The following ASXL2 variants were observed in gnomAD, a reference collection of about 807,000 sequenced individuals.
ASXL2 encodes the protein putative Polycomb group protein ASXL2.
Under a neutral mutation model 122.0 loss-of-function variants are expected in ASXL2, and 23 were observed. The ratio of observed to expected loss-of-function variants is 0.19; its 90% CI spans 0.14 to 0.27. ASXL2 has a LOEUF of 0.27. ASXL2 is among the 10% of genes least tolerant of loss of function. The pLI, the probability that ASXL2 is intolerant of heterozygous loss-of-function variation, is 1.00. For synonymous variants in ASXL2, 650 were observed against 637.0 expected, an observed-to-expected ratio of 1.02 and a Z score of -0.31; for missense variants, 1,518 against 1,713.8, an observed-to-expected ratio of 0.89 and a Z score of 2.02.
intron 1 of ASXL2, among the ~76,000 whole-genome samples, chr2:25,852,057 C>T (rs936612111): frequency 1.3e-5 from 2 of 151,946 alleles, no homozygotes; most frequent in African/African-American, 2.4e-5. Flanking sequence ...CTTCCACAAG[C>T]GGAAATGACT....
intron 3 of ASXL2, among the ~76,000 whole-genome samples, chr2:25,809,578 T>C (rs763718980): frequency 6.6e-6 from 1 of 152,228 alleles, no homozygotes; most frequent in Non-Finnish European, 1.5e-5. Context: ...GAAAAAGGAA[T>C]AGATTGCTGC....
At chr2:25,806,901 T>G (rs2089090786) in intron 3 of ASXL2, among the ~76,000 whole-genome samples, 1 of 151,848 alleles carries the variant, frequency 6.6e-6, no homozygotes, top group Admixed American at 6.6e-5. Context: ...TACTAGAATT[T>G]CAGGTATATA....
chr2:25,780,606 T>C (rs540807787), intron 5 of ASXL2, among the ~76,000 whole-genome samples: 40 of 152,316 alleles, frequency 2.6e-4, no homozygotes, highest in Middle Eastern at 3.4e-3. Flanking sequence ...CCATACGTCC[T>C]GTAGGTGATT....
chr2:25,844,830 T>C (rs902265431), intron 2 of ASXL2, among the ~76,000 whole-genome samples: 5 of 151,890 alleles, frequency 3.3e-5, no homozygotes, highest in African/African-American at 1.2e-4. Context: ...AGAGATGAGG[T>C]TTCACTATGT....
intron 5 of ASXL2, among the ~76,000 whole-genome samples, chr2:25,798,572 T>C (rs1295518516): frequency 6.6e-6 from 1 of 152,190 alleles, no homozygotes; most frequent in Admixed American, 6.5e-5. Context: ...GAGACCAGCC[T>C]GACCAACATG....
chr2:25,797,875 C>T (rs2088933902), intron 5 of ASXL2, among the ~76,000 whole-genome samples: 1 of 152,218 alleles, frequency 6.6e-6, no homozygotes, highest in African/African-American at 2.4e-5. Flanking sequence ...CCAGCAATCA[C>T]ACTCCTTAGC....
At chr2:25,860,163 T>C (rs1010505808) in intron 1 of ASXL2, among the ~76,000 whole-genome samples, 1 of 151,390 alleles carries the variant, frequency 6.6e-6, no homozygotes, top group African/African-American at 2.4e-5. Flanking sequence ...AATACAAAAT[T>C]AACCGGGCAT....
intron 5 of ASXL2, among the ~76,000 whole-genome samples, chr2:25,774,746 A>T (rs1057243889): frequency 3.9e-5 from 6 of 152,196 alleles, no homozygotes; most frequent in Non-Finnish European, 8.8e-5. Flanking sequence ...TTATGTTTAC[A>T]TCTCTTCAGT....
At chr2:25,799,022 G>T (rs550823452) in intron 5 of ASXL2, among the ~76,000 whole-genome samples, 1 of 152,162 alleles carries the variant, frequency 6.6e-6, no homozygotes, top group African/African-American at 2.4e-5. Flanking sequence ...AATGTGGCTA[G>T]TGGGGAAGGC....
At chr2:25,812,535 C>G (rs2089185264) in intron 3 of ASXL2, among the ~76,000 whole-genome samples, 1 of 152,160 alleles carries the variant, frequency 6.6e-6, no homozygotes, top group Non-Finnish European at 1.5e-5. Context: ...AATAGGCACT[C>G]TTACAGACTG....
chr2:25,745,559 C>CAAA (rs34181748), intron 12 of ASXL2, among the ~76,000 whole-genome samples: 17 of 51,386 alleles, frequency 3.3e-4, no homozygotes, highest in African/African-American at 1.1e-3. Flanking sequence ...GCCTCCAGCT[C>CAAA]AAAAAAAAAA....
At chr2:25,841,254 C>T (rs1177117305) in intron 2 of ASXL2, among the ~76,000 whole-genome samples, 1 of 152,196 alleles carries the variant, frequency 6.6e-6, no homozygotes, top group African/African-American at 2.4e-5. Context: ...TGAGATTGCA[C>T]CACTGCACTC....
At chr2:25,799,316 G>T in intron 5 of ASXL2, 69 bp downstream of exon 5, 1 of 1,605,388 alleles carries the variant, frequency 6.2e-7, no homozygotes. Flanking sequence ...TCTGGGAAAA[G>T]AGGAACTACT....
At chr2:25,870,251 G>A (rs757808590) in intron 1 of ASXL2, among the ~76,000 whole-genome samples, 23 of 152,136 alleles carry the variant, frequency 1.5e-4, no homozygotes, top group Non-Finnish European at 2.2e-4. Flanking sequence ...GGTGGCCGGC[G>A]CAGTGGCTCA....
At chr2:25,855,932 C>CG (rs1442762138) in intron 1 of ASXL2, among the ~76,000 whole-genome samples, 3 of 146,496 alleles carry the variant, frequency 2.0e-5, no homozygotes, top group Middle Eastern at 3.3e-3. Context: ...CTCGCTCTGT[C>CG]GGCCAGGCTG....
In ASXL2 at chr2:25,826,762, T is replaced by TAAAAA. The variant is rs55765302; in HGVS notation, c.143+8771_143+8775dup. Among the ~76,000 whole-genome samples, 144 of 68,086 alleles carry TAAAAA rather than the reference T, an allele frequency of 2.1e-3. 8 individuals carry two copies. The highest frequency in any genetic ancestry group is 3.2e-3 in the South Asian group (4 of 1,266). 44.7% of individuals were successfully genotyped at this position (68,086 alleles called of 152,430 possible). A position where few individuals can be genotyped will look rare whatever the true frequency, so the allele number is the denominator to read the frequency against. On this transcript the variant is annotated intron_variant, in intron 3 of 12. Coordinates refer to ENST00000435504, the MANE Select transcript of ASXL2 (RefSeq NM_018263.6). ...AGGATTAAATAATAGACTTTCAAGG[T>TAAAAA]AAAAAAAAAAAAAAAAAAAAAAAAA...
intron 3 of ASXL2, 121 bp downstream of exon 3, chr2:25,835,416 TG>T: frequency 5.5e-6 from 1 of 182,318 alleles, no homozygotes; most frequent in Non-Finnish European, 1.2e-5. Context: ...ACTTAGTTTC[TG>T]GACTAATTAT....
intron 10 of ASXL2, 82 bp from the exon 11 acceptor site, chr2:25,753,721 C>G (rs570290949): frequency 2.8e-6 from 3 of 1,087,850 alleles, no homozygotes; most frequent in Non-Finnish European, 4.1e-6. Flanking sequence ...GAAAGACTCA[C>G]GCAGGAATTG....
At chr2:25,868,903 G>A (rs1453002945) in intron 1 of ASXL2, among the ~76,000 whole-genome samples, 1 of 152,050 alleles carries the variant, frequency 6.6e-6, no homozygotes, top group Non-Finnish European at 1.5e-5. Flanking sequence ...AGTGGCTCAC[G>A]TCTGTAATCC....
Sources: allele counts gnomAD v4.1 joint callset (sites outside exome capture counted in the v4.1 genomes callset), GRCh38; gene constraint gnomAD v4.1.1; transcripts MANE v1.5; gene names NCBI Gene and HGNC (gene_info 2026-07-23, HGNC 2026-07-21).